NBAS: variants seen among roughly 807,000 people sequenced by gnomAD.
The protein encoded by NBAS is NBAS subunit of NRZ tethering complex.
A neutral mutation model predicts 302.5 loss-of-function variants in NBAS; 219 were observed. The ratio of observed to expected loss-of-function variants is 0.72; its 90% confidence interval spans 0.65 to 0.81. The LOEUF is 0.81. Ranked by LOEUF, NBAS falls within the 30% of genes least tolerant of loss-of-function variation. NBAS has a pLI of 0.00. For missense variants in NBAS, 2,932 were observed against 2,841.6 expected (o/e 1.03, Z -0.72); for synonymous variants, 1,118 against 1,021.6 (o/e 1.09, Z -1.80).
the NBAS span, among the ~76,000 whole-genome samples, chr2:15,098,473 A>T: frequency 7.7e-5 from 6 of 77,980 alleles, no homozygotes; most frequent in African/African-American, 3.5e-4. Flanking sequence ...TATTGTATAT[A>T]ATATGTTATA....
the NBAS span, among the ~76,000 whole-genome samples, chr2:14,847,526 C>T: frequency 7.1e-6 from 1 of 140,476 alleles, no homozygotes; most frequent in Non-Finnish European, 1.5e-5. Flanking sequence ...AAAAAAACTA[C>T]AAGAAGAGAC....
chr2:15,045,962 G>T, the NBAS span, among the ~76,000 whole-genome samples: 2 of 152,294 alleles, frequency 1.3e-5, no homozygotes, highest in Non-Finnish European at 2.9e-5. Context: ...GGGCTTCCCT[G>T]TGTCCCATCA....
intron 6 of NBAS, among the ~76,000 whole-genome samples, chr2:15,542,050 A>G (rs371079261): frequency 2.4e-5 from 2 of 83,060 alleles, no homozygotes; most frequent in South Asian, 3.5e-4. Flanking sequence ...CCAGGAGGTG[A>G]GGGGCGCCTC....
In NBAS at chr2:15,253,706, A is replaced by T. The variant is rs530124273; in HGVS notation, c.5725-15020T>A. Reference sequence around the variant, plus strand: ...AACTAACACAAGAAAGGCATGTCTGACACTCTTCCTGAGTCTGACTCTGAT... The same window carrying T: ...AACTAACACAAGAAAGGCATGTCTGTCACTCTTCCTGAGTCTGACTCTGAT... On this transcript the variant is annotated intron_variant, in intron 44 of 51. Transcript: ENST00000281513. 1.4e-4 allele frequency among the ~76,000 whole-genome samples: 22 copies of T among 152,288 alleles called. No individual in the cohort carries two copies. The East Asian group carries it at 4.2e-3, about 29-fold the overall frequency.
chr2:14,899,739 C>CTT, the NBAS span, among the ~76,000 whole-genome samples: 18 of 145,552 alleles, frequency 1.2e-4, no homozygotes, highest in Admixed American at 2.1e-4. Context: ...AAGGTCACAA[C>CTT]TTTTTTTTTT....
intron 9 of NBAS, among the ~76,000 whole-genome samples, chr2:15,523,848 A>G (rs1027452389): frequency 2.0e-5 from 3 of 152,162 alleles, no homozygotes; most frequent in Non-Finnish European, 4.4e-5. Flanking sequence ...TGGAAGACAG[A>G]TGTTGTAGTA....
intron 50 of NBAS, among the ~76,000 whole-genome samples, chr2:15,186,013 C>T (rs934445563): frequency 3.3e-5 from 5 of 151,892 alleles, no homozygotes; most frequent in Admixed American, 3.3e-4. Flanking sequence ...GGATCCACAG[C>T]AGGGAGCTGA....
the NBAS span, among the ~76,000 whole-genome samples, chr2:15,101,928 G>A: frequency 8.5e-5 from 13 of 152,190 alleles, no homozygotes; most frequent in Admixed American, 3.9e-4. Flanking sequence ...GATCCTCTGC[G>A]CTCTCAGGGG....
At position 15,240,216 on chromosome 2, in the gene NBAS, G is replaced by A. The variant is rs557191836; in HGVS notation, c.5725-1530C>T. Among the ~76,000 whole-genome samples the A allele has an allele frequency of 5.3e-5, 8 of 152,034 alleles. No individual in the cohort carries two copies. The South Asian group carries it at 1.7e-3, about 32-fold the overall frequency. On this transcript the variant is annotated intron_variant, in intron 44 of 51. Transcript: ENST00000281513. ...CATGTCTGGTCATTCTGAAAAGCAG[G>A]ACTAGGCTGAAATACATGGCATGAG...
At chr2:14,981,460 A>C in the NBAS span, among the ~76,000 whole-genome samples, 1 of 152,220 alleles carries the variant, frequency 6.6e-6, no homozygotes, top group East Asian at 1.9e-4. Flanking sequence ...TCAAGAAACT[A>C]TTGGGAGTTG....
chr2:15,541,872 G>A (rs1424775367), intron 6 of NBAS, among the ~76,000 whole-genome samples: 1 of 46,846 alleles, frequency 2.1e-5, no homozygotes, highest in East Asian at 3.1e-4. Context: ...TCAGCCCCCC[G>A]CCCGGCCAGC....
chr2:15,530,887 G>GAAAA (rs1056802440), intron 9 of NBAS, among the ~76,000 whole-genome samples: 1 of 150,830 alleles, frequency 6.6e-6, no homozygotes. Context: ...AACGCCAGGG[G>GAAAA]AAAAAAAAAG....
At chr2:15,489,213 C>T (rs1342311845) in intron 11 of NBAS, among the ~76,000 whole-genome samples, 191 bp from the exon 12 acceptor site, 4 of 152,062 alleles carry the variant, frequency 2.6e-5, no homozygotes, top group African/African-American at 4.8e-5. Flanking sequence ...GAGTTTGTTA[C>T]CTACTTCAGA....
the NBAS span, among the ~76,000 whole-genome samples, chr2:14,956,853 A>C: frequency 6.6e-6 from 1 of 152,104 alleles, no homozygotes; most frequent in Non-Finnish European, 1.5e-5. Flanking sequence ...ACACAGCCAA[A>C]CCATATCATG....
intron 31 of NBAS, among the ~76,000 whole-genome samples, chr2:15,371,903 G>T (rs1286223514): frequency 1.3e-5 from 2 of 152,114 alleles, no homozygotes; most frequent in African/African-American, 4.8e-5. Context: ...CTAATTCTAT[G>T]ATTATTTAAA....
At chr2:15,436,669 AG>A (rs1396221442) in intron 21 of NBAS, among the ~76,000 whole-genome samples, 2 of 152,206 alleles carry the variant, frequency 1.3e-5, no homozygotes, top group Non-Finnish European at 2.9e-5. Context: ...TGTTCATTAG[AG>A]GAAAAAAATT....
At chr2:15,169,534 A>T (rs765982828) in intron 51 of NBAS, among the ~76,000 whole-genome samples, 13 of 152,184 alleles carry the variant, frequency 8.5e-5, no homozygotes, top group Non-Finnish European at 1.9e-4. Flanking sequence ...GTCTTCAGAC[A>T]TCCCTTCAAG....
At chr2:15,292,399 G>C in intron 41 of NBAS, 138 bp downstream of exon 41, 6 of 855,062 alleles carry the variant, frequency 7.0e-6, no homozygotes, top group Non-Finnish European at 9.3e-6. Flanking sequence ...CATAAGACTA[G>C]ATGAAGTTGG....
At position 15,172,107 on chromosome 2, in the gene NBAS, G is replaced by A. The variant is rs560568850; in HGVS notation, c.6841-4784C>T. Among the ~76,000 whole-genome samples, 80 of 152,236 alleles carry A rather than the reference G, an allele frequency of 5.3e-4. No individual in the cohort carries two copies. The South Asian group carries it at 0.015, about 28-fold the overall frequency. ...GATGTCAACTGTGCCAGCTTACAGC[G>A]GTGACATCAGCATGGGAATGCATCA... On this transcript the variant is annotated intron_variant, in intron 51 of 51. Coordinates refer to ENST00000281513, the MANE Select transcript of NBAS (RefSeq NM_015909.4).
Sources: allele counts gnomAD v4.1 joint callset (sites outside exome capture counted in the v4.1 genomes callset), GRCh38; gene constraint gnomAD v4.1.1; transcripts MANE v1.5; gene names NCBI Gene and HGNC (gene_info 2026-07-23, HGNC 2026-07-21).